EPHA3: variants seen among roughly 807,000 people sequenced by gnomAD.
The protein encoded by EPHA3 is EPH receptor A3.
A neutral mutation model predicts 107.1 loss-of-function variants in EPHA3; 42 were observed. The ratio of observed to expected loss-of-function variants is 0.39; its 90% CI spans 0.31 to 0.51. The LOEUF (loss-of-function observed/expected upper bound fraction) is 0.51. Ranked by LOEUF, EPHA3 falls within the 20% of genes least tolerant of loss-of-function variation. The pLI is 0.78. For synonymous variants in EPHA3, 461 were observed against 424.8 expected, an observed-to-expected ratio of 1.09 and a Z score of -1.05; for missense variants, 1,183 against 1,211.2, an observed-to-expected ratio of 0.98 and a Z score of 0.35.
chr3:89,316,510 A>G (rs1262195437), intron 3 of EPHA3, among the ~76,000 whole-genome samples: 40 of 90,162 alleles, frequency 4.4e-4, no homozygotes, highest in African/African-American at 1.6e-3. Context: ...TGTGTAATAT[A>G]TATATATATA....
At chr3:89,186,891 T>C (rs9861649) in intron 2 of EPHA3, among the ~76,000 whole-genome samples, 144,539 of 152,168 alleles carry the variant, frequency 0.95, 68,729 homozygotes, top group African/African-American at 0.97. Context: ...AATTTTGTGT[T>C]GCCTGGAATA....
intron 3 of EPHA3, among the ~76,000 whole-genome samples, chr3:89,285,308 C>T (rs548586922): frequency 9.6e-4 from 146 of 152,176 alleles, no homozygotes; most frequent in Non-Finnish European, 1.7e-3. Context: ...TTTACTCTTT[C>T]ATTTACTCAG....
At chr3:89,295,704 C>CCT (rs1706332555) in intron 3 of EPHA3, among the ~76,000 whole-genome samples, 1 of 152,126 alleles carries the variant, frequency 6.6e-6, no homozygotes, top group Admixed American at 6.5e-5. Flanking sequence ...GATTCTCATG[C>CCT]CTCAGCCTGT....
intron 3 of EPHA3, among the ~76,000 whole-genome samples, chr3:89,315,317 G>A (rs1225531214): frequency 6.6e-6 from 1 of 151,730 alleles, no homozygotes; most frequent in Non-Finnish European, 1.5e-5. Flanking sequence ...AAGGTGAATA[G>A]AACAGCAGTT....
intron 3 of EPHA3, among the ~76,000 whole-genome samples, chr3:89,312,453 A>T: frequency 6.7e-6 from 1 of 150,062 alleles, no homozygotes. Context: ...TTCCTTTCTG[A>T]TCTTATCTTT....
intron 7 of EPHA3, among the ~76,000 whole-genome samples, chr3:89,404,419 T>C (rs139469003): frequency 1.5e-3 from 226 of 152,216 alleles, no homozygotes; most frequent in African/African-American, 5.2e-3. Flanking sequence ...CAAATATAAA[T>C]CCAGGAGTTC....
chr3:89,197,843 G>T (rs930471453), intron 2 of EPHA3, among the ~76,000 whole-genome samples: 1 of 152,060 alleles, frequency 6.6e-6, no homozygotes, highest in Non-Finnish European at 1.5e-5. Flanking sequence ...CTGGTGTGGT[G>T]GTGTGTGCCT....
intron 15 of EPHA3, 109 bp downstream of exon 15, chr3:89,450,479 A>G: frequency 1.0e-6 from 1 of 1,001,404 alleles, no homozygotes; most frequent in Non-Finnish European, 1.5e-6. Context: ...TGAAGCTTGT[A>G]TTCCACCATA....
intron 2 of EPHA3, among the ~76,000 whole-genome samples, chr3:89,137,670 T>C (rs1389639565): frequency 2.0e-5 from 3 of 152,004 alleles, no homozygotes; most frequent in Non-Finnish European, 4.4e-5. Context: ...TGAATAAAAA[T>C]ATTACCAAAG....
At chr3:89,242,414 G>C (rs73146387) in intron 3 of EPHA3, among the ~76,000 whole-genome samples, 40,341 of 151,996 alleles carry the variant, frequency 0.27, 5,616 homozygotes, top group African/African-American at 0.32. Flanking sequence ...TTTCTTTTTT[G>C]TTGTTGTTTT....
intron 3 of EPHA3, among the ~76,000 whole-genome samples, chr3:89,294,135 A>G (rs1359314297): frequency 1.3e-5 from 2 of 152,094 alleles, no homozygotes; most frequent in African/African-American, 2.4e-5. Flanking sequence ...CCAAAGTGAC[A>G]ATGATTTTGT....
At chr3:89,129,301 C>T (rs1377276596) in intron 2 of EPHA3, among the ~76,000 whole-genome samples, 1 of 152,052 alleles carries the variant, frequency 6.6e-6, no homozygotes. Context: ...CATTGCTGTC[C>T]TCTGTTGATC....
rs975743588 is a variant in EPHA3, at chr3:89,477,387, C to A, written c.2847-2010C>A. On this transcript the variant is annotated intron_variant, in intron 16 of 16. Coordinates refer to ENST00000336596, the MANE Select transcript of EPHA3 (RefSeq NM_005233.6). ...GAGGGAACCTGAAGGTCATCAGGAA[C>A]CTTCTCAGCCCAGATGGTAGGAATT... Among the ~76,000 whole-genome samples the A allele has an allele frequency of 3.9e-5, 6 of 152,102 alleles. 1 individual carries two copies. The highest frequency in any genetic ancestry group is 7.2e-5 in the African/African-American group (3 of 41,418).
intron 2 of EPHA3, among the ~76,000 whole-genome samples, chr3:89,146,512 G>A (rs1484243671): frequency 2.0e-5 from 3 of 151,868 alleles, no homozygotes; most frequent in Admixed American, 6.6e-5. Context: ...TTGTAAATTT[G>A]TTTAACTTCC....
intron 5 of EPHA3, among the ~76,000 whole-genome samples, chr3:89,349,958 G>T (rs1361638826): frequency 6.7e-6 from 1 of 149,152 alleles, no homozygotes; most frequent in African/African-American, 2.5e-5. Context: ...ACTCTCTTCT[G>T]GCTTGTAGGG....
At position 89,395,981 on chromosome 3, in the gene EPHA3, G is replaced by A. The variant is rs1708843108; in HGVS notation, c.1431+20G>A. 1.2e-6 allele frequency: 2 copies of A among 1,612,564 alleles called. No individual in the cohort carries two copies. Among genetic ancestry groups the A allele is most frequent in the Non-Finnish European group, 1.7e-6 (2 of 1,179,220 alleles). On this transcript the variant is annotated intron_variant, in intron 6 of 16. Transcript: ENST00000336596. ...GAAAAGGTGGGGAAACAATGTTTAAGGGTTGGGCTGTGTAGGCAAGAAGCT... is the reference window on the plus strand; with the variant it reads ...GAAAAGGTGGGGAAACAATGTTTAAAGGTTGGGCTGTGTAGGCAAGAAGCT...
At chr3:89,328,204 C>G (rs917630025) in intron 3 of EPHA3, among the ~76,000 whole-genome samples, 1 of 152,120 alleles carries the variant, frequency 6.6e-6, no homozygotes, top group Non-Finnish European at 1.5e-5. Flanking sequence ...AATTTTGGAA[C>G]ATAAAATGCT....
chr3:89,285,874 G>A (rs1706069314), intron 3 of EPHA3, among the ~76,000 whole-genome samples: 1 of 152,104 alleles, frequency 6.6e-6, no homozygotes. Context: ...GGAAAGGAAT[G>A]TAGCTAAGTG....
At chr3:89,449,437 G>A (rs2107553877) in intron 14 of EPHA3, 63 bp downstream of exon 14, 1 of 1,392,216 alleles carries the variant, frequency 7.2e-7, no homozygotes, top group African/African-American at 1.4e-5. Flanking sequence ...GCAAGGAAGT[G>A]GAACATAATG....
Sources: allele counts gnomAD v4.1 joint callset (sites outside exome capture counted in the v4.1 genomes callset), GRCh38; gene constraint gnomAD v4.1.1; transcripts MANE v1.5; gene names NCBI Gene and HGNC (gene_info 2026-07-23, HGNC 2026-07-21).